Variants in TBC1D32 observed in about 807,000 individuals in gnomAD.
TBC1D32 encodes protein broad-minded.
TBC1D32 carries 151 observed loss-of-function variants against 170.3 expected under a neutral mutation model. The ratio of observed to expected loss-of-function variants is 0.89; its 90% confidence interval spans 0.78 to 1.01. TBC1D32 has a LOEUF of 1.01. TBC1D32 is among the 50% of genes least tolerant of loss of function. The pLI, the probability that TBC1D32 is intolerant of heterozygous loss-of-function variation, is 0.00. For synonymous variants in TBC1D32, 498 were observed against 488.0 expected (o/e 1.02, Z -0.27); for missense variants, 1,464 against 1,457.1 (o/e 1.00, Z -0.08).
At position 121,201,495 on chromosome 6, in the gene TBC1D32, A is replaced by G. The variant is rs79502877; in HGVS notation, c.2570+3580T>C. ...GCAGAGTTGATCAGTACTGTCCAAA[A>G]GTGAAAAATCACACTCAAACCTCTT... On this transcript the variant is annotated intron_variant, in intron 22 of 31. Coordinates refer to ENST00000398212, the MANE Select transcript of TBC1D32 (RefSeq NM_152730.6). 9.2e-3 allele frequency among the ~76,000 whole-genome samples: 1,395 copies of G among 151,498 alleles called. 87 individuals are homozygous for G. Among genetic ancestry groups the G allele is most frequent in the African/African-American group, 0.032 (1,319 of 40,822 alleles).
chr6:121,221,309 AC>A (rs1279555603), intron 21 of TBC1D32, among the ~76,000 whole-genome samples: 3 of 152,212 alleles, frequency 2.0e-5, no homozygotes, highest in Non-Finnish European at 4.4e-5. Flanking sequence ...TGACAACACA[AC>A]AGGTCACCTA....
Position 121,107,130 on chromosome 6 carries a change from A to T in TBC1D32, c.3325-967T>A, listed in dbSNP as rs576538591. Reference sequence around the variant, plus strand: ...CTTATCTTCTTGCTTTTACTGGACAAATCTTATTTTCAAACTTTTTAAATA... The same window carrying T: ...CTTATCTTCTTGCTTTTACTGGACATATCTTATTTTCAAACTTTTTAAATA... On this transcript the variant is annotated intron_variant, in intron 29 of 31. Coordinates refer to ENST00000398212, the MANE Select transcript of TBC1D32 (RefSeq NM_152730.6). Among the ~76,000 whole-genome samples the T allele has an allele frequency of 2.6e-4, 39 of 152,084 alleles. No individual in the cohort carries two copies. In the South Asian group the frequency reaches 8.1e-3, roughly 32 times the overall value.
Position 121,176,048 on chromosome 6 carries a change from T to C in TBC1D32, c.2571-14992A>G, listed in dbSNP as rs528144635. Among the ~76,000 whole-genome samples, 3 of 151,940 alleles carry C rather than the reference T, an allele frequency of 2.0e-5. No individual in the cohort carries two copies. The South Asian group carries it at 6.2e-4, about 32-fold the overall frequency. ...CAATAAACACACATACATACAAATATCCCAGTCTTTATGGAACCCTAAATA... is the reference window on the plus strand; with the variant it reads ...CAATAAACACACATACATACAAATACCCCAGTCTTTATGGAACCCTAAATA... On this transcript the variant is annotated intron_variant, in intron 22 of 31. Transcript: ENST00000398212.
chr6:121,301,137 C>T (rs1806411779), intron 9 of TBC1D32, among the ~76,000 whole-genome samples: 1 of 152,144 alleles, frequency 6.6e-6, no homozygotes, highest in South Asian at 2.1e-4. Flanking sequence ...TGTGGCGATT[C>T]CTCAAGGATC....
At chr6:121,083,696 A>G (rs17052877) in intron 31 of TBC1D32, among the ~76,000 whole-genome samples, 3,771 of 152,232 alleles carry the variant, frequency 0.025, 170 homozygotes, top group East Asian at 0.13. Context: ...AGTAAAAGGA[A>G]CACGGGATTT....
At chr6:121,150,429 C>T (rs933446949) in intron 24 of TBC1D32, among the ~76,000 whole-genome samples, 5 of 152,176 alleles carry the variant, frequency 3.3e-5, no homozygotes, top group East Asian at 1.9e-4. Context: ...AGGATTTTTA[C>T]GTCGATGTTC....
At chr6:121,090,719 TG>T in intron 31 of TBC1D32, 133 bp downstream of exon 31, 1 of 740,630 alleles carries the variant, frequency 1.4e-6, no homozygotes, top group South Asian at 2.0e-5. Context: ...ATCTCTAAAA[TG>T]GGGATGATAA....
intron 31 of TBC1D32, among the ~76,000 whole-genome samples, chr6:121,085,206 T>TAC (rs1776059407): frequency 7.4e-6 from 1 of 135,598 alleles, no homozygotes; most frequent in East Asian, 2.5e-4. Context: ...TACATATATA[T>TAC]ACACATATAT....
chr6:121,168,427 T>G lies in TBC1D32; in HGVS notation c.2571-7371A>C, dbSNP rs1461178538. Among the ~76,000 whole-genome samples, 22 of 101,480 alleles carry G rather than the reference T, an allele frequency of 2.2e-4. 3 individuals are homozygous for G. The Admixed American group carries it at 2.3e-3, about 10-fold the overall frequency. 66.6% of individuals were successfully genotyped at this position (101,480 alleles called of 152,430 possible). A position where few individuals can be genotyped will look rare whatever the true frequency, so the allele number is the denominator to read the frequency against. ...GTCCTTTGTAGGGACATGGATGAAA[T>G]TGGAAACCATCATTCTCAGTAACCT... On this transcript the variant is annotated intron_variant, in intron 22 of 31. Transcript: ENST00000398212.
chr6:121,097,796 A>T (rs1777591108), intron 30 of TBC1D32, among the ~76,000 whole-genome samples: 2 of 152,128 alleles, frequency 1.3e-5, no homozygotes, highest in East Asian at 3.9e-4. Flanking sequence ...ACCAACCCAA[A>T]TTTCCATCAA....
At chr6:121,188,688 G>A (rs919044012) in intron 22 of TBC1D32, among the ~76,000 whole-genome samples, 6 of 152,122 alleles carry the variant, frequency 3.9e-5, no homozygotes, top group African/African-American at 1.4e-4. Context: ...GAACTTGGGA[G>A]TACAGTAGAA....
intron 22 of TBC1D32, among the ~76,000 whole-genome samples, chr6:121,181,879 G>T (rs1217643244): frequency 6.6e-6 from 1 of 152,010 alleles, no homozygotes; most frequent in Non-Finnish European, 1.5e-5. Context: ...GCACAAAAAG[G>T]CATATATCAC....
Position 121,242,314 on chromosome 6 carries a change from C to G in TBC1D32, c.2044G>C (p.Asp682His). The G allele has an allele frequency of 6.2e-7, 1 of 1,612,796 alleles. No homozygotes were observed. Among genetic ancestry groups the G allele is most frequent in the Non-Finnish European group, 8.5e-7 (1 of 1,179,358 alleles). Reference protein sequence around the residue: ...NIMAWEDNLLDDLLHFAATPK... With the variant: ...NIMAWEDNLLHDLLHFAATPK... ...GTGGCAGCAAAATGTAGTAAATCAT[C>G]TAACAAATTATCTTCCCAAGCCATA... is the stretch of plus-strand genomic sequence containing the variant. The change falls in exon 18 of 32, where the codon GAT (aspartate) becomes CAT (histidine). Residue 682 changes from aspartate (D) to histidine (H), a missense_variant. Physicochemically the swap from Asp to His is moderately conservative, Grantham distance 81 (BLOSUM62 -1). Around this residue, in one of 3 missense-constraint regions of TBC1D32, gnomAD observed 1,363 missense variants for 1,338.1 expected, o/e 1.02. Transcript: ENST00000398212.
intron 30 of TBC1D32, among the ~76,000 whole-genome samples, chr6:121,100,214 G>A (rs973818929): frequency 1.4e-4 from 21 of 151,954 alleles, no homozygotes; most frequent in Non-Finnish European, 2.8e-4. Context: ...GAATAAGTGC[G>A]ATGTGGTGCT....
intron 15 of TBC1D32, among the ~76,000 whole-genome samples, chr6:121,268,056 A>G (rs1203883495): frequency 1.3e-5 from 2 of 152,198 alleles, no homozygotes; most frequent in Non-Finnish European, 2.9e-5. Flanking sequence ...TACTGTTAGA[A>G]GGAAAACTAA....
At chr6:121,138,686 C>G (rs2128223438) in intron 24 of TBC1D32, among the ~76,000 whole-genome samples, 1 of 152,124 alleles carries the variant, frequency 6.6e-6, no homozygotes, top group East Asian at 1.9e-4. Flanking sequence ...AAATGCCTGA[C>G]TTGACATAAA....
At chr6:121,240,357 ATTTTTTTTTTTTTTT>A (rs35946120) in intron 19 of TBC1D32, among the ~76,000 whole-genome samples, 4 of 75,294 alleles carry the variant, frequency 5.3e-5, no homozygotes, top group African/African-American at 2.3e-4. Flanking sequence ...GTTTAGGACA[ATTTTTTTTTTTTTTT>A]TTTTTTTTTT....
chr6:121,254,253 A>C (rs1209214669), intron 17 of TBC1D32, among the ~76,000 whole-genome samples: 1 of 152,092 alleles, frequency 6.6e-6, no homozygotes, highest in Non-Finnish European at 1.5e-5. Context: ...ATTTGGAAGG[A>C]GGGTAAGGGA....
intron 15 of TBC1D32, among the ~76,000 whole-genome samples, chr6:121,264,000 C>G (rs114167293): frequency 6.6e-6 from 1 of 151,910 alleles, no homozygotes; most frequent in Admixed American, 6.6e-5. Context: ...GATCTCAAAT[C>G]GACACCATAA....
Sources: gnomAD v4.1 joint callset for allele counts (sites outside exome capture counted in the v4.1 genomes callset) on GRCh38, gnomAD v4.1.1 for gene constraint, gnomAD v4.1.1 regional missense constraint, MANE v1.5 for transcripts, NCBI Gene and HGNC (gene_info 2026-07-23, HGNC 2026-07-21) for gene names.